The following LRP1B variants were observed in gnomAD, a reference collection of about 807,000 sequenced individuals.
The protein encoded by LRP1B is LDL receptor related protein 1B.
LRP1B carries 217 observed loss-of-function variants against 556.6 expected under a neutral mutation model. The ratio of observed to expected loss-of-function variants is 0.39; its 90% CI spans 0.35 to 0.44. The LOEUF (loss-of-function observed/expected upper bound fraction) is 0.44. Ranked by LOEUF, LRP1B falls within the 20% of genes least tolerant of loss-of-function variation. The pLI is 1.00. For synonymous variants in LRP1B, 2,047 were observed against 1,865.8 expected (o/e 1.10, Z -2.50); for missense variants, 5,053 against 5,620.8 (o/e 0.90, Z 3.23).
At chr2:141,765,235 GACAAT>G (rs1227963304) in intron 2 of LRP1B, among the ~76,000 whole-genome samples, 15 of 152,120 alleles carry the variant, frequency 9.9e-5, no homozygotes, top group East Asian at 3.8e-4. Flanking sequence ...ACAAGAACAA[GACAAT>G]ACATTTAAGA....
chr2:142,129,741 C>T (rs375238085), intron 1 of LRP1B, among the ~76,000 whole-genome samples: 5 of 151,996 alleles, frequency 3.3e-5, no homozygotes, highest in African/African-American at 1.2e-4. Context: ...CATTCCAAGG[C>T]CAGGGCCAGT....
At chr2:141,702,025 T>A (rs1339741094) in intron 2 of LRP1B, among the ~76,000 whole-genome samples, 1 of 151,380 alleles carries the variant, frequency 6.6e-6, no homozygotes, top group Non-Finnish European at 1.5e-5. Flanking sequence ...AACCACAGAG[T>A]TCTTCAGACC....
intron 35 of LRP1B, among the ~76,000 whole-genome samples, chr2:140,754,051 A>G (rs1688667022): frequency 6.6e-6 from 1 of 152,144 alleles, no homozygotes; most frequent in South Asian, 2.1e-4. Flanking sequence ...CTGCCAGAGT[A>G]CTGACTCAGA....
intron 3 of LRP1B, among the ~76,000 whole-genome samples, chr2:141,302,220 GAATA>G (rs1421654959): frequency 6.6e-6 from 1 of 151,866 alleles, no homozygotes; most frequent in Non-Finnish European, 1.5e-5. Flanking sequence ...ATTTGAAATA[GAATA>G]AATATATAAA....
intron 1 of LRP1B, among the ~76,000 whole-genome samples, chr2:142,122,832 C>G (rs1405449927): frequency 1.3e-5 from 2 of 152,000 alleles, no homozygotes; most frequent in South Asian, 2.1e-4. Context: ...ATAAAGCACA[C>G]TTGCTATTCT....
intron 86 of LRP1B, among the ~76,000 whole-genome samples, chr2:140,267,568 A>C (rs72910162): frequency 0.038 from 5,837 of 152,018 alleles, 123 homozygotes; most frequent in South Asian, 0.083. Context: ...GTACAGAAAA[A>C]TTGTGTCCGT....
chr2:140,525,603 A>C (rs2104965904), intron 49 of LRP1B, among the ~76,000 whole-genome samples: 1 of 152,114 alleles, frequency 6.6e-6, no homozygotes, highest in African/African-American at 2.4e-5. Context: ...GAAAGGGTTA[A>C]TAACTAAACA....
intron 77 of LRP1B, among the ~76,000 whole-genome samples, chr2:140,336,785 T>C (rs893949499): frequency 6.6e-6 from 1 of 151,852 alleles, no homozygotes; most frequent in Admixed American, 6.6e-5. Flanking sequence ...GCAAGAAAAA[T>C]AACTTATTTT....
At chr2:142,108,566 C>A (rs1241458948) in intron 1 of LRP1B, among the ~76,000 whole-genome samples, 1 of 152,132 alleles carries the variant, frequency 6.6e-6, no homozygotes, top group East Asian at 1.9e-4. Context: ...TATTTCATGG[C>A]ACTATTGTTC....
intron 83 of LRP1B, among the ~76,000 whole-genome samples, chr2:140,298,280 A>G (rs866986218): frequency 6.6e-6 from 1 of 150,398 alleles, no homozygotes; most frequent in South Asian, 2.1e-4. Flanking sequence ...TTCTGTTCTC[A>G]TATCAATTTG....
Position 140,233,212 on chromosome 2 carries a change from T to C in LRP1B, c.13774A>G (p.Ile4592Val), listed in dbSNP as rs748901705. ...RKELLPKKIE[I>V]GIRETVA ...TATGCCACTGTCTCTCTTATACCAA[T>C]TTCTATTTTCTTTGGAAGCAGTTCT... The change falls in exon 91 of 91, where the codon ATT (isoleucine) becomes GTT (valine). Residue 4592 changes from isoleucine (I) to valine (V), a missense_variant. This residue lies in a region of LRP1B where 551 missense variants were observed against 592.0 expected (regional missense o/e 0.93). Coordinates refer to ENST00000389484, the MANE Select transcript of LRP1B (RefSeq NM_018557.3). 4 of 1,602,778 alleles carry C rather than the reference T, an allele frequency of 2.5e-6. No homozygotes were observed. The East Asian group carries it at 9.0e-5, about 36-fold the overall frequency.
At chr2:141,104,189 T>C (rs1473760770) in intron 7 of LRP1B, among the ~76,000 whole-genome samples, 1 of 152,050 alleles carries the variant, frequency 6.6e-6, no homozygotes, top group Non-Finnish European at 1.5e-5. Context: ...TGAGAACATG[T>C]GGTATTTGGT....
At chr2:140,981,374 C>G (rs975893559) in intron 18 of LRP1B, among the ~76,000 whole-genome samples, 1 of 151,922 alleles carries the variant, frequency 6.6e-6, no homozygotes, top group African/African-American at 2.4e-5. Flanking sequence ...ATATGCTATA[C>G]ATGTCTAAAT....
At position 140,875,181 on chromosome 2, in the gene LRP1B, A is replaced by C. The variant is rs557146964; in HGVS notation, c.4170-6918T>G. 3.3e-5 allele frequency among the ~76,000 whole-genome samples: 5 copies of C among 152,198 alleles called. No individual in the cohort carries two copies. In the South Asian group the frequency reaches 1.0e-3, roughly 31 times the overall value. On this transcript the variant is annotated intron_variant, in intron 25 of 90. Coordinates refer to ENST00000389484, the MANE Select transcript of LRP1B (RefSeq NM_018557.3). ...CTATTCAACTCCTCAAAGCCCAGGA[A>C]CTATCACAGAAGAGGTGGGCCTGTG...
chr2:140,567,661 G>A (rs1297000433), intron 43 of LRP1B, among the ~76,000 whole-genome samples: 1 of 152,132 alleles, frequency 6.6e-6, no homozygotes, highest in Non-Finnish European at 1.5e-5. Flanking sequence ...CTATGACCCA[G>A]GCTCCATAGC....
chr2:141,391,515 A>T (rs149251339), intron 3 of LRP1B, among the ~76,000 whole-genome samples: 14 of 152,102 alleles, frequency 9.2e-5, no homozygotes, highest in Middle Eastern at 3.4e-3. Context: ...TGGAAAAAAA[A>T]TTGTGAAAGG....
At chr2:141,276,658 C>CTTTCTTTCTT (rs61184600) in intron 3 of LRP1B, among the ~76,000 whole-genome samples, 14 of 122,920 alleles carry the variant, frequency 1.1e-4, no homozygotes, top group Non-Finnish European at 1.9e-4. Context: ...TTCTTTCTTT[C>CTTTCTTTCTT]TTTTTTTTTT....
chr2:140,765,162 C>T (rs182861060), intron 35 of LRP1B, among the ~76,000 whole-genome samples: 46 of 152,080 alleles, frequency 3.0e-4, no homozygotes, highest in African/African-American at 9.4e-4. Flanking sequence ...GCAACTTAGA[C>T]GTGAAGTTCT....
intron 2 of LRP1B, among the ~76,000 whole-genome samples, chr2:141,517,434 G>A (rs1019738297): frequency 2.6e-5 from 4 of 152,106 alleles, no homozygotes; most frequent in African/African-American, 9.7e-5. Flanking sequence ...TGTTGATGGT[G>A]TATTCTCACA....
Sources: gnomAD v4.1 joint callset for allele counts (sites outside exome capture counted in the v4.1 genomes callset) on GRCh38, gnomAD v4.1.1 for gene constraint, gnomAD v4.1.1 regional missense constraint, MANE v1.5 for transcripts, NCBI Gene and HGNC (gene_info 2026-07-23, HGNC 2026-07-21) for gene names.